GALNT18: variants seen among roughly 807,000 people sequenced by gnomAD.
The protein encoded by GALNT18 is GalNAc-transferase 18.
In GALNT18, 44 loss-of-function variants were observed where a neutral mutation model predicts 69.5. That is an observed-to-expected ratio of 0.63 (90% confidence interval 0.50 to 0.81). The LOEUF (loss-of-function observed/expected upper bound fraction) is 0.81. GALNT18 is among the 40% of genes least tolerant of loss of function. The probability of loss-of-function intolerance (pLI) is 0.00; values close to 1 mark genes in which losing one functional copy is unlikely to be tolerated. For missense variants in GALNT18, 715 were observed against 810.0 expected, an observed-to-expected ratio of 0.88 and a Z score of 1.42; for synonymous variants, 364 against 318.2, an observed-to-expected ratio of 1.14 and a Z score of -1.53.
intron 10 of GALNT18, among the ~76,000 whole-genome samples, chr11:11,287,728 C>T (rs572841654): frequency 6.6e-6 from 1 of 152,152 alleles, no homozygotes; most frequent in African/African-American, 2.4e-5. Context: ...CTGAAGGCAA[C>T]AACTGCCACT....
chr11:11,519,604 G>A (rs1434972813), intron 1 of GALNT18, among the ~76,000 whole-genome samples: 1 of 152,174 alleles, frequency 6.6e-6, no homozygotes, highest in Non-Finnish European at 1.5e-5. Flanking sequence ...GCCAGGGAAA[G>A]CCTGATTTGC....
chr11:11,576,037 A>G (rs944871948), intron 1 of GALNT18, among the ~76,000 whole-genome samples: 1 of 152,240 alleles, frequency 6.6e-6, no homozygotes, highest in Admixed American at 6.5e-5. Context: ...TCAAGGTCAC[A>G]TAGAAAGAGA....
intron 6 of GALNT18, among the ~76,000 whole-genome samples, chr11:11,344,171 A>T (rs1438874512): frequency 6.6e-6 from 1 of 151,642 alleles, no homozygotes; most frequent in African/African-American, 2.4e-5. Context: ...CCACCCCTCC[A>T]GCCCTGACCT....
rs766948986 is a variant in GALNT18, at chr11:11,340,455, G to A, written c.1278+364C>T. The stretch of plus-strand genomic sequence containing the variant: ...AAGATGCTTTTTGTAAATTTTTGTA[G>A]TTACTGGTATATTTGTAATCCAGGA... On this transcript the variant is annotated intron_variant, in intron 7 of 10. Transcript: ENST00000227756. This position sits in a 1 kb window ranked among gnomAD's most constrained non-coding sequence, Gnocchi z 4.2. 8.5e-5 allele frequency among the ~76,000 whole-genome samples: 13 copies of A among 152,160 alleles called. No homozygotes were observed. Among genetic ancestry groups the A allele is most frequent in the Non-Finnish European group, 1.8e-4 (12 of 68,034 alleles).
At position 11,421,900 on chromosome 11, in the gene GALNT18, CACAG is replaced by C. The variant is rs1855014997; in HGVS notation, c.595+10717_595+10720del. Among the ~76,000 whole-genome samples, 1 of 152,198 alleles carries C rather than the reference CACAG, an allele frequency of 6.6e-6. No individual in the cohort carries two copies. The highest frequency in any genetic ancestry group is 2.1e-4 in the South Asian group (1 of 4,822). On this transcript the variant is annotated intron_variant, in intron 3 of 10. Transcript: ENST00000227756. This position sits in a 1 kb window ranked among gnomAD's most constrained non-coding sequence, Gnocchi z 5.6. ...GATGCATAATTTAGCAAATAGACAGCACAGACTTTATTTTAGCCCCTACGTGCCC... is the reference window on the plus strand; with the variant it reads ...GATGCATAATTTAGCAAATAGACAGCACTTTATTTTAGCCCCTACGTGCCC...
At chr11:11,322,446 A>G (rs2133039947) in intron 9 of GALNT18, among the ~76,000 whole-genome samples, 1 of 152,370 alleles carries the variant, frequency 6.6e-6, no homozygotes, top group Non-Finnish European at 1.5e-5. Context: ...GTCAGAAAGC[A>G]GAGCAAGAAT....
In GALNT18 at chr11:11,273,706, G is replaced by C. The variant is rs114006918; in HGVS notation, c.1678-2416C>G. 1.9e-3 allele frequency among the ~76,000 whole-genome samples: 295 copies of C among 152,210 alleles called. 3 individuals carry two copies. Among genetic ancestry groups the C allele is most frequent in the African/African-American group, 6.9e-3 (287 of 41,538 alleles). On this transcript the variant is annotated intron_variant, in intron 10 of 10. Coordinates refer to ENST00000227756, the MANE Select transcript of GALNT18 (RefSeq NM_198516.3). Reference sequence around the variant, plus strand: ...CCCATTGTTGGGTATATACCCAAAAGAAAGGAAACCAGCATATTGAAGAGA... The same window carrying C: ...CCCATTGTTGGGTATATACCCAAAACAAAGGAAACCAGCATATTGAAGAGA...
Position 11,534,762 on chromosome 11 carries a change from C to T in GALNT18, c.236-85826G>A, listed in dbSNP as rs186994383. Among the ~76,000 whole-genome samples the T allele has an allele frequency of 1.0e-3, 158 of 152,352 alleles. 1 individual carries two copies. Among genetic ancestry groups the T allele is most frequent in the African/African-American group, 3.4e-3 (143 of 41,588 alleles). ...TGCTGGATTCTTGATATATTCTCCA[C>T]GCTGTGTTTACAAATACAACTGCAG... On this transcript the variant is annotated intron_variant, in intron 1 of 10. Transcript: ENST00000227756.
At chr11:11,609,896 C>T (rs755239863) in intron 1 of GALNT18, among the ~76,000 whole-genome samples, 8 of 152,098 alleles carry the variant, frequency 5.3e-5, no homozygotes, top group Admixed American at 1.3e-4. Flanking sequence ...TTTTATGGTC[C>T]CCTACCCCAC....
intron 1 of GALNT18, among the ~76,000 whole-genome samples, chr11:11,566,044 G>GGAAACCT (rs1023464143): frequency 1.3e-5 from 2 of 152,164 alleles, no homozygotes; most frequent in African/African-American, 4.8e-5. Flanking sequence ...GCAGAACATA[G>GGAAACCT]GAAACCTGTT....
intron 1 of GALNT18, among the ~76,000 whole-genome samples, chr11:11,512,292 T>G (rs1403957888): frequency 6.6e-6 from 1 of 152,224 alleles, no homozygotes; most frequent in Non-Finnish European, 1.5e-5. Context: ...TGTCTCATGA[T>G]GGCCTGGCAC....
At chr11:11,353,447 C>T in intron 6 of GALNT18, 1 of 448,196 alleles carries the variant, frequency 2.2e-6, no homozygotes, top group Non-Finnish European at 4.0e-6. Flanking sequence ...CTGTGAGGCA[C>T]CGTCTCCTTG....
Position 11,496,802 on chromosome 11 carries a change from C to T in GALNT18, c.236-47866G>A, listed in dbSNP as rs1272432579. Among the ~76,000 whole-genome samples, 1 of 151,574 alleles carries T rather than the reference C, an allele frequency of 6.6e-6. No homozygotes were observed. Among genetic ancestry groups the T allele is most frequent in the African/African-American group, 2.4e-5 (1 of 41,350 alleles). On this transcript the variant is annotated intron_variant, in intron 1 of 10. Transcript: ENST00000227756. This position sits in a 1 kb window ranked among gnomAD's most constrained non-coding sequence, Gnocchi z 4.0. ...GAACCCCCTCCATTTCTGGGTCTCTCCAATGGCCTCCCACCTAATCAACCA... is the reference window on the plus strand; with the variant it reads ...GAACCCCCTCCATTTCTGGGTCTCTTCAATGGCCTCCCACCTAATCAACCA...
intron 10 of GALNT18, among the ~76,000 whole-genome samples, chr11:11,283,114 G>A (rs776596284): frequency 5.8e-4 from 88 of 152,100 alleles, no homozygotes; most frequent in Non-Finnish European, 9.8e-4. Context: ...CAAGAGGTGC[G>A]GGTAAGTGGA....
chr11:11,293,533 C>CTTTTTTTTT lies in GALNT18; in HGVS notation c.1513-349_1513-341dup, dbSNP rs34166465. 3.1e-3 allele frequency among the ~76,000 whole-genome samples: 245 copies of CTTTTTTTTT among 80,116 alleles called. 12 individuals are homozygous for CTTTTTTTTT. The highest frequency in any genetic ancestry group is 0.011 in the African/African-American group (220 of 19,902). The allele number at this position is 80,116 out of a possible 152,430, so 52.6% of individuals were successfully genotyped here. ...TTCTTCACCCAGTTTACAAACCCCTCTTTTTTTTTTTTTTTTTTTTTTTTG... is the reference window on the plus strand; with the variant it reads ...TTCTTCACCCAGTTTACAAACCCCTCTTTTTTTTTTTTTTTTTTTTTTTTTTTTTTTTTG... On this transcript the variant is annotated intron_variant, in intron 9 of 10. Transcript: ENST00000227756.
intron 6 of GALNT18, chr11:11,352,587 A>G (rs775096243): frequency 1.2e-6 from 2 of 1,614,094 alleles, no homozygotes; most frequent in African/African-American, 2.7e-5. Context: ...AAACTCAGCC[A>G]AACCCCAGTC....
chr11:11,282,552 G>C (rs1184229844), intron 10 of GALNT18, among the ~76,000 whole-genome samples: 1 of 152,148 alleles, frequency 6.6e-6, no homozygotes, highest in East Asian at 1.9e-4. Context: ...GGAACCCAGG[G>C]GGGTCTGCCC....
intron 2 of GALNT18, among the ~76,000 whole-genome samples, chr11:11,445,206 T>C (rs1416495699): frequency 1.3e-5 from 2 of 152,178 alleles, no homozygotes; most frequent in Non-Finnish European, 2.9e-5. Flanking sequence ...CAAATTCTAT[T>C]GCCAGACCAC....
rs1236140800 is a variant in GALNT18, at chr11:11,495,613, A to C, written c.236-46677T>G. On this transcript the variant is annotated intron_variant, in intron 1 of 10. Coordinates refer to ENST00000227756, the MANE Select transcript of GALNT18 (RefSeq NM_198516.3). ...CACGTGTGGCAGCCTCCATTCAAGC[A>C]GACTTTAAAAACATCAGAGAGCAAG... 3.3e-5 allele frequency among the ~76,000 whole-genome samples: 5 copies of C among 152,360 alleles called. No individual in the cohort carries two copies. The East Asian group carries it at 9.6e-4, about 29-fold the overall frequency.
Sources: allele counts gnomAD v4.1 joint callset (sites outside exome capture counted in the v4.1 genomes callset), GRCh38; gene constraint gnomAD v4.1.1; non-coding constraint Gnocchi (gnomAD v3.1); transcripts MANE v1.5; gene names NCBI Gene and HGNC (gene_info 2026-07-23, HGNC 2026-07-21).